The following SLC43A2 variants were observed in gnomAD, a reference collection of about 807,000 sequenced individuals.
The protein encoded by SLC43A2 is large neutral amino acids transporter small subunit 4.
Under a neutral mutation model 63.2 loss-of-function variants are expected in SLC43A2, and 38 were observed. The observed-to-expected ratio is 0.60, with a 90% confidence interval of 0.46 to 0.79. SLC43A2 has a LOEUF of 0.79. Among genes scored for constraint, SLC43A2 ranks in the 30% least tolerant of loss-of-function variants. SLC43A2 has a pLI of 0.00. For missense variants in SLC43A2, 644 were observed against 756.2 expected (o/e 0.85, Z 1.74); for synonymous variants, 322 against 331.0 (o/e 0.97, Z 0.30).
At chr17:1,621,210 C>T (rs1229626021) in intron 2 of SLC43A2, among the ~76,000 whole-genome samples, 1 of 152,134 alleles carries the variant, frequency 6.6e-6, no homozygotes, top group African/African-American at 2.4e-5. Context: ...TGCTGTGGCC[C>T]CCCAGGCTCC....
chr17:1,575,337 A>C lies in SLC43A2; in HGVS notation c.*267T>G, dbSNP rs2075905662. On this transcript the variant is annotated 3_prime_UTR_variant, in exon 14 of 14. Transcript: ENST00000301335. ...GGCGTTCCTGGCTCCTGCTGCAGGCACCACAGAGACCCCAGGCCCCGGGTC... is the reference window on the plus strand; with the variant it reads ...GGCGTTCCTGGCTCCTGCTGCAGGCCCCACAGAGACCCCAGGCCCCGGGTC... 5.7e-6 allele frequency: 3 copies of C among 527,220 alleles called. No homozygotes were observed. The Admixed American group carries it at 1.1e-4, about 19-fold the overall frequency. 32.7% of individuals were successfully genotyped at this position (527,220 alleles called of 1,614,324 possible). A position where few individuals can be genotyped will look rare whatever the true frequency, so the allele number is the denominator to read the frequency against.
chr17:1,585,187 G>T, intron 10 of SLC43A2: 1 of 992,470 alleles, frequency 1.0e-6, no homozygotes, highest in Non-Finnish European at 1.2e-6. Context: ...GCTAGCCATT[G>T]TCTGTACACT....
intron 2 of SLC43A2, 48 bp downstream of exon 2, chr17:1,627,667 A>AAACCCCCCCCCACCCC: frequency 2.5e-6 from 1 of 393,400 alleles, no homozygotes; most frequent in Non-Finnish European, 3.4e-6. Flanking sequence ...GCCCCCTCCC[A>AAACCCCCCCCCACCCC]AAGCCCCAGC....
intron 10 of SLC43A2, chr17:1,585,444 C>T (rs2076087168): frequency 2.9e-6 from 1 of 339,122 alleles, no homozygotes; most frequent in Non-Finnish European, 5.4e-6. Flanking sequence ...CCGGGTTTTA[C>T]CACATTGGCC....
chr17:1,604,902 C>T (rs185656407), intron 5 of SLC43A2: 3 of 1,533,996 alleles, frequency 2.0e-6, no homozygotes, highest in Non-Finnish European at 2.6e-6. Flanking sequence ...CTCCACCGGT[C>T]TCAGCTGCGC....
At position 1,593,392 on chromosome 17, in the gene SLC43A2, CTG is replaced by C; in HGVS notation, c.502-115_502-114del. The C allele has an allele frequency of 1.1e-6, 1 of 904,006 alleles. No homozygotes were observed. The highest frequency in any genetic ancestry group is 1.8e-6 in the Non-Finnish European group (1 of 566,826). 56.0% of individuals were successfully genotyped at this position (904,006 alleles called of 1,614,324 possible). A position where few individuals can be genotyped will look rare whatever the true frequency, so the allele number is the denominator to read the frequency against. On this transcript the variant is annotated intron_variant, in intron 5 of 13. Transcript: ENST00000301335. The surrounding 1 kb of genome is among the most constrained non-coding windows in gnomAD (Gnocchi z 5.3). ...GCCCCTTCTTCACCTGCGCCCCTTC[CTG>C]TGTGACTCACAGGGGCATTAGTTCA... is the stretch of plus-strand genomic sequence containing the variant.
rs1247113696 is a variant in SLC43A2, at chr17:1,591,474, G to T, written c.729-3C>A. 3.1e-6 allele frequency: 5 copies of T among 1,612,782 alleles called. No individual in the cohort carries two copies. The highest frequency in any genetic ancestry group is 1.3e-5 in the African/African-American group (1 of 74,890). Reference sequence around the variant, plus strand: ...GCCAGCTGAACTTGATCTTCACCCTGGGGCCCCGGGAGAGTGTCTGTGGGT... The same window carrying T: ...GCCAGCTGAACTTGATCTTCACCCTTGGGCCCCGGGAGAGTGTCTGTGGGT... On this transcript the variant is annotated splice_polypyrimidine_tract_variant and splice_region_variant and intron_variant, in intron 7 of 13. Coordinates refer to ENST00000301335, the MANE Select transcript of SLC43A2 (RefSeq NM_152346.3).
At chr17:1,620,915 C>T (rs1012100047) in intron 2 of SLC43A2, among the ~76,000 whole-genome samples, 5 of 152,088 alleles carry the variant, frequency 3.3e-5, no homozygotes, top group African/African-American at 4.8e-5. Flanking sequence ...AGCTTGACCC[C>T]GGGCCAGCCT....
At chr17:1,613,160 A>T in intron 5 of SLC43A2, 35 bp downstream of exon 5, 1 of 1,559,910 alleles carries the variant, frequency 6.4e-7, no homozygotes, top group Non-Finnish European at 8.8e-7. Context: ...GAAACAGATT[A>T]CTGAACTACA....
In SLC43A2 at chr17:1,583,443, T is replaced by C; in HGVS notation, c.1218-107A>G. ...CGCAGCAGGTAAACTGACGCAAGAC[T>C]CAGAAGCCACCCAGGCACGTTTTAG... On this transcript the variant is annotated intron_variant, in intron 10 of 13. Transcript: ENST00000301335. This position sits in a 1 kb window ranked among gnomAD's most constrained non-coding sequence, Gnocchi z 5.5. 1 of 1,545,402 alleles carries C rather than the reference T, an allele frequency of 6.5e-7. No individual in the cohort carries two copies.
In SLC43A2 at chr17:1,584,751, C is replaced by T. The variant is rs185752135; in HGVS notation, c.1217+1162G>A. 1.1e-3 allele frequency among the ~76,000 whole-genome samples: 169 copies of T among 150,400 alleles called. 1 individual carries two copies. The highest frequency in any genetic ancestry group is 3.8e-3 in the African/African-American group (155 of 41,006). ...AGGAGAATGGTGTGAACCCGGGAGG[C>T]GGAGGTTGCAGTGAGCCGAGATAGA... On this transcript the variant is annotated intron_variant, in intron 10 of 13. Transcript: ENST00000301335.
chr17:1,595,396 C>T (rs8081142), intron 5 of SLC43A2, among the ~76,000 whole-genome samples: 1 of 151,894 alleles, frequency 6.6e-6, no homozygotes, highest in Admixed American at 6.6e-5. Flanking sequence ...TCTTCCCCCC[C>T]CAGCTCCCAA....
intron 5 of SLC43A2, among the ~76,000 whole-genome samples, chr17:1,601,527 A>G (rs972855620): frequency 2.6e-5 from 4 of 151,894 alleles, no homozygotes; most frequent in Non-Finnish European, 5.9e-5. Context: ...CTACTGAGCC[A>G]GAGCCCTTCT....
chr17:1,586,992 A>G, intron 9 of SLC43A2: 4 of 1,529,198 alleles, frequency 2.6e-6, no homozygotes, highest in Non-Finnish European at 3.5e-6. Flanking sequence ...GAAAAAGCAG[A>G]AAGAAGAGAG....
intron 5 of SLC43A2, among the ~76,000 whole-genome samples, chr17:1,608,114 A>G (rs1163359914): frequency 6.6e-6 from 1 of 152,218 alleles, no homozygotes; most frequent in Non-Finnish European, 1.5e-5. Context: ...GACAGGAGCA[A>G]ACAGGCACAG....
intron 8 of SLC43A2, 149 bp downstream of exon 8, chr17:1,591,120 C>G: frequency 7.9e-7 from 1 of 1,259,610 alleles, no homozygotes; most frequent in South Asian, 1.4e-5. Flanking sequence ...TCAGGCAAAT[C>G]CCTTTCCCTC....
At chr17:1,601,314 C>A (rs1036795668) in intron 5 of SLC43A2, among the ~76,000 whole-genome samples, 4 of 151,988 alleles carry the variant, frequency 2.6e-5, no homozygotes, top group Non-Finnish European at 4.4e-5. Context: ...GAATCTCATT[C>A]CCATATGCCC....
upstream of SLC43A2, among the ~76,000 whole-genome samples, chr17:1,629,280 G>A (rs1908978724): frequency 6.6e-6 from 1 of 152,012 alleles, no homozygotes. Context: ...ACGCCCAGAT[G>A]CGCCGGCTCC....
Position 1,575,584 on chromosome 17 carries a change from C to T in SLC43A2, c.*20G>A, listed in dbSNP as rs770322401. 1.1e-5 allele frequency: 17 copies of T among 1,613,966 alleles called. No individual in the cohort carries two copies. The highest frequency in any genetic ancestry group is 1.7e-4 in the Middle Eastern group (1 of 6,058). ...TCACTGAAGCACAGGCAGGAGACCG[C>T]AGTTCCGAGGCGGCAGCCACTACAC... is the stretch of plus-strand genomic sequence containing the variant. On this transcript the variant is annotated 3_prime_UTR_variant, in exon 14 of 14. Coordinates refer to ENST00000301335, the MANE Select transcript of SLC43A2 (RefSeq NM_152346.3).
Sources: allele counts gnomAD v4.1 joint callset (sites outside exome capture counted in the v4.1 genomes callset), GRCh38; gene constraint gnomAD v4.1.1; non-coding constraint Gnocchi (gnomAD v3.1); transcripts MANE v1.5; gene names NCBI Gene and HGNC (gene_info 2026-07-23, HGNC 2026-07-21).